Variants in IQCJ observed in about 807,000 individuals in gnomAD.
The protein encoded by IQCJ is IQ domain-containing protein J.
In IQCJ, 9 loss-of-function variants were observed where a neutral mutation model predicts 11.0. The ratio of observed to expected loss-of-function variants is 0.82; its 90% CI spans 0.49 to 1.43. The LOEUF (loss-of-function observed/expected upper bound fraction) is 1.43. Among genes scored for constraint, IQCJ ranks in the 40% most tolerant of loss-of-function variants. The pLI, the probability that IQCJ is intolerant of heterozygous loss-of-function variation, is 0.00. For synonymous variants in IQCJ, 55 were observed against 51.3 expected (o/e 1.07, Z -0.31); for missense variants, 146 against 133.2 (o/e 1.10, Z -0.47).
At chr3:159,233,102 C>A (rs114349933) in intron 1 of IQCJ, among the ~76,000 whole-genome samples, 3 of 152,110 alleles carry the variant, frequency 2.0e-5, no homozygotes, top group Non-Finnish European at 4.4e-5. Context: ...ACTCTCTTAT[C>A]GATTTTTTTT....
At chr3:159,114,554 ACC>A (rs10707735) in intron 1 of IQCJ, among the ~76,000 whole-genome samples, 2 of 151,320 alleles carry the variant, frequency 1.3e-5, no homozygotes, top group East Asian at 2.0e-4. Context: ...CCAGTGATCC[ACC>A]CCCCCTCGGC....
chr3:159,094,230 T>C (rs965925334), intron 1 of IQCJ, among the ~76,000 whole-genome samples: 1 of 151,384 alleles, frequency 6.6e-6, no homozygotes, highest in African/African-American at 2.5e-5. Context: ...AAGACAAATA[T>C]TGGCCTCAAG....
chr3:159,079,882 C>A, intron 1 of IQCJ, among the ~76,000 whole-genome samples: 1 of 151,844 alleles, frequency 6.6e-6, no homozygotes, highest in East Asian at 1.9e-4. Context: ...AAATAAATTC[C>A]TAAAAGTGGA....
chr3:159,105,935 G>A (rs1718227589), intron 1 of IQCJ, among the ~76,000 whole-genome samples: 1 of 152,174 alleles, frequency 6.6e-6, no homozygotes, highest in South Asian at 2.1e-4. Context: ...AAAAAGATCA[G>A]TTTGGCTGAT....
intron 1 of IQCJ, among the ~76,000 whole-genome samples, chr3:159,120,566 A>G (rs1010602488): frequency 6.6e-6 from 1 of 152,224 alleles, no homozygotes; most frequent in Non-Finnish European, 1.5e-5. Context: ...GTTTAGGAAA[A>G]CAGGACTTGG....
At chr3:159,201,114 G>A (rs1724304191) in intron 1 of IQCJ, among the ~76,000 whole-genome samples, 1 of 152,142 alleles carries the variant, frequency 6.6e-6, no homozygotes, top group South Asian at 2.1e-4. Context: ...ACCTGGCTGG[G>A]GCATGAAGTA....
At chr3:159,265,913 A>G (rs1466677904), downstream of IQCJ, 1 of 152,902 alleles carries the variant, frequency 6.5e-6, no homozygotes, top group African/African-American at 2.4e-5. Flanking sequence ...GGAGCTGATA[A>G]TGATGCTTTT....
intron 1 of IQCJ, among the ~76,000 whole-genome samples, chr3:159,078,181 A>G (rs1449485300): frequency 5.1e-5 from 4 of 78,058 alleles, no homozygotes; most frequent in Non-Finnish European, 1.3e-4. Context: ...ACTTTTCCTC[A>G]GGACTTATTA....
intron 1 of IQCJ, among the ~76,000 whole-genome samples, chr3:159,184,769 GT>G (rs1252817787): frequency 6.6e-6 from 1 of 152,156 alleles, no homozygotes; most frequent in Non-Finnish European, 1.5e-5. Context: ...TATTGATCCA[GT>G]TTCTGTTGTA....
At chr3:159,259,348 G>A (rs369709058) in intron 3 of IQCJ, among the ~76,000 whole-genome samples, 14 of 152,244 alleles carry the variant, frequency 9.2e-5, no homozygotes, top group Admixed American at 1.3e-4. Flanking sequence ...AAATATAGGA[G>A]CACACAACAT....
chr3:159,183,997 G>C (rs1011407843), intron 1 of IQCJ, among the ~76,000 whole-genome samples: 2 of 150,998 alleles, frequency 1.3e-5, no homozygotes, highest in Non-Finnish European at 2.9e-5. Flanking sequence ...AGTTGCCCAC[G>C]CAGCAGCCAG....
At chr3:159,165,185 T>G (rs916287461) in intron 1 of IQCJ, among the ~76,000 whole-genome samples, 2 of 152,236 alleles carry the variant, frequency 1.3e-5, no homozygotes, top group Non-Finnish European at 2.9e-5. Context: ...TAATTATGAT[T>G]GAAGCATCAC....
At chr3:159,094,554 C>T (rs1003155455) in intron 1 of IQCJ, among the ~76,000 whole-genome samples, 3 of 150,602 alleles carry the variant, frequency 2.0e-5, no homozygotes, top group African/African-American at 7.4e-5. Context: ...CTACCTTACA[C>T]GATTCCATCC....
intron 1 of IQCJ, among the ~76,000 whole-genome samples, chr3:159,203,186 G>A (rs1173697763): frequency 6.7e-6 from 1 of 148,322 alleles, no homozygotes; most frequent in African/African-American, 2.5e-5. Context: ...GGAGGATTTA[G>A]GGAGGGAGTT....
At chr3:159,160,878 T>C (rs1384009009) in intron 1 of IQCJ, among the ~76,000 whole-genome samples, 1 of 152,210 alleles carries the variant, frequency 6.6e-6, no homozygotes, top group Non-Finnish European at 1.5e-5. Flanking sequence ...TTTTTATGGC[T>C]GCATAGTATT....
At chr3:159,157,915 A>G (rs1721622540) in intron 1 of IQCJ, among the ~76,000 whole-genome samples, 1 of 103,836 alleles carries the variant, frequency 9.6e-6, no homozygotes, top group Non-Finnish European at 2.2e-5. Context: ...ATATTCCCAT[A>G]TGGTTGGGCA....
chr3:159,163,783 G>A (rs551499115), intron 1 of IQCJ, among the ~76,000 whole-genome samples: 1 of 152,242 alleles, frequency 6.6e-6, no homozygotes, highest in African/African-American at 2.4e-5. Context: ...TCTGCCCAAG[G>A]TCACACACTA....
At position 159,208,719 on chromosome 3, in the gene IQCJ, C is replaced by G. The variant is rs116340593; in HGVS notation, c.10-37124C>G. ...GGCTCCCCAAAAGATATTTTCATGT[C>G]CTAACCCTTGGATCCTGTGAATGTG... On this transcript the variant is annotated intron_variant, in intron 1 of 3. Transcript: ENST00000397832. Among the ~76,000 whole-genome samples the G allele has an allele frequency of 1.6e-3, 251 of 152,260 alleles. 1 individual carries two copies. Among genetic ancestry groups the G allele is most frequent in the African/African-American group, 5.8e-3 (243 of 41,540 alleles).
rs565210947 is a variant in IQCJ at position 159,120,537 on chromosome 3, G to A, written c.9+51096G>A. Among the ~76,000 whole-genome samples, 22 of 152,292 alleles carry A rather than the reference G, an allele frequency of 1.4e-4. No homozygotes were observed. In the South Asian group the frequency reaches 1.7e-3, roughly 11 times the overall value. ...CTCAGCCATTATAGCCATATCTGGG[G>A]AAAGCTGGAAGCCCAGGAGTTTAGG... On this transcript the variant is annotated intron_variant, in intron 1 of 3. Coordinates refer to ENST00000397832, the MANE Select transcript of IQCJ (RefSeq NM_001042706.3).
Sources: gnomAD v4.1 joint callset for allele counts (sites outside exome capture counted in the v4.1 genomes callset) on GRCh38, gnomAD v4.1.1 for gene constraint, MANE v1.5 for transcripts, NCBI Gene and HGNC (gene_info 2026-07-23, HGNC 2026-07-21) for gene names.